Variants in FAM151B observed in about 807,000 individuals in gnomAD.
The protein encoded by FAM151B is family with sequence similarity 151 member B.
FAM151B carries 24 observed loss-of-function variants against 31.2 expected under a neutral mutation model. The observed-to-expected ratio is 0.77, with a 90% CI of 0.56 to 1.08. The LOEUF is 1.08. Ranked by LOEUF, FAM151B falls within the 50% of genes least tolerant of loss-of-function variation. The probability of loss-of-function intolerance (pLI) is 0.00; values close to 1 mark genes in which losing one functional copy is unlikely to be tolerated. For synonymous variants in FAM151B, 105 were observed against 111.4 expected (o/e 0.94, Z 0.36); for missense variants, 293 against 328.6 (o/e 0.89, Z 0.84).
intron 1 of FAM151B, among the ~76,000 whole-genome samples, chr5:80,492,855 C>T (rs921261270): frequency 6.6e-6 from 1 of 151,960 alleles, no homozygotes; most frequent in Non-Finnish European, 1.5e-5. Context: ...TTGGGATGCC[C>T]AGGCAGGAGG....
intron 1 of FAM151B, among the ~76,000 whole-genome samples, chr5:80,489,646 C>T (rs1309675437): frequency 6.6e-6 from 1 of 152,178 alleles, no homozygotes. Context: ...ATTTTTGGGC[C>T]GGGCGCGGTG....
chr5:80,494,443 TTTTCTTTCTTTCTTTTCTTTCTTTCTTTC>T (rs1167311333), intron 1 of FAM151B, among the ~76,000 whole-genome samples: 14 of 84,462 alleles, frequency 1.7e-4, no homozygotes, highest in Middle Eastern at 5.9e-3. Flanking sequence ...CTTTCTTTCT[TTTTCTTTCTTTCTTTTCTTTCTTTCTTTC>T]TTTCTTTCTT....
At chr5:80,501,724 A>G in intron 1 of FAM151B, 68 bp from the exon 2 acceptor site, 1 of 1,151,356 alleles carries the variant, frequency 8.7e-7, no homozygotes, top group Non-Finnish European at 1.3e-6. Flanking sequence ...ATACACAATG[A>G]AAGTGATTTT....
intron 1 of FAM151B, among the ~76,000 whole-genome samples, chr5:80,497,549 A>T (rs1743590913): frequency 6.6e-6 from 1 of 152,156 alleles, no homozygotes; most frequent in Non-Finnish European, 1.5e-5. Flanking sequence ...CTAAGACCTT[A>T]GATCATAGGT....
chr5:80,536,817 G>T (rs1561382275), intron 5 of FAM151B, among the ~76,000 whole-genome samples: 1 of 152,158 alleles, frequency 6.6e-6, no homozygotes, highest in Non-Finnish European at 1.5e-5. Flanking sequence ...AACATCTCAT[G>T]TTCTTATTTA....
chr5:80,534,488 A>T (rs1745401904), intron 5 of FAM151B, among the ~76,000 whole-genome samples: 1 of 152,228 alleles, frequency 6.6e-6, no homozygotes, highest in Non-Finnish European at 1.5e-5. Flanking sequence ...TCGTATTAAC[A>T]GCGTGAAGGA....
chr5:80,522,685 C>T (rs1028895336), intron 5 of FAM151B, among the ~76,000 whole-genome samples: 2 of 152,048 alleles, frequency 1.3e-5, no homozygotes, highest in Non-Finnish European at 1.5e-5. Context: ...TCGCTTGAAA[C>T]TGGGAGGCCG....
intron 4 of FAM151B, among the ~76,000 whole-genome samples, chr5:80,521,150 G>A (rs886153283): frequency 2.7e-5 from 3 of 111,594 alleles, no homozygotes; most frequent in Non-Finnish European, 5.6e-5. Context: ...TTAAAAAACA[G>A]GGTCTGGCTC....
At chr5:80,513,880 A>T (rs1160375234) in intron 3 of FAM151B, 111 bp downstream of exon 3, 8 of 1,072,652 alleles carry the variant, frequency 7.5e-6, no homozygotes, top group Non-Finnish European at 1.0e-5. Context: ...ACTCTAATAT[A>T]TTTCAGGACT....
chr5:80,493,389 A>G (rs906388012), intron 1 of FAM151B, among the ~76,000 whole-genome samples: 1 of 152,194 alleles, frequency 6.6e-6, no homozygotes, highest in Non-Finnish European at 1.5e-5. Context: ...GAACAGTATG[A>G]AATCAGTGTA....
At chr5:80,489,391 A>G (rs1391633997) in intron 1 of FAM151B, among the ~76,000 whole-genome samples, 1 of 152,086 alleles carries the variant, frequency 6.6e-6, no homozygotes, top group Non-Finnish European at 1.5e-5. Context: ...TTTTCAGACC[A>G]GAGTTTTCCT....
rs180892452 is a variant in FAM151B, at chr5:80,519,154, A to C, written c.318-539A>C. Among the ~76,000 whole-genome samples, 8 of 152,318 alleles carry C rather than the reference A, an allele frequency of 5.3e-5. No homozygotes were observed. In the East Asian group the frequency reaches 1.5e-3, roughly 29 times the overall value. On this transcript the variant is annotated intron_variant, in intron 3 of 5. Transcript: ENST00000282226. ...ACAGAAACTTGAAGGAAATACTATA[A>C]TTTTATATTTTACAGTCATTTTTAG...
At chr5:80,535,289 G>T (rs751023984) in intron 5 of FAM151B, among the ~76,000 whole-genome samples, 1 of 152,084 alleles carries the variant, frequency 6.6e-6, no homozygotes, top group South Asian at 2.1e-4. Context: ...CAGAATAGCC[G>T]AAGTTGTCCT....
intron 2 of FAM151B, among the ~76,000 whole-genome samples, chr5:80,503,710 AC>A (rs1265974929): frequency 6.6e-6 from 1 of 152,222 alleles, no homozygotes; most frequent in Non-Finnish European, 1.5e-5. Context: ...AATAGTATAT[AC>A]AAAGCCCTTT....
At chr5:80,525,670 T>G (rs1744924547) in intron 5 of FAM151B, among the ~76,000 whole-genome samples, 1 of 152,000 alleles carries the variant, frequency 6.6e-6, no homozygotes, top group East Asian at 1.9e-4. Flanking sequence ...TGCACATAAG[T>G]AGAAGCTGAC....
Position 80,494,685 on chromosome 5 carries a change from G to A in FAM151B, c.25+6537G>A, listed in dbSNP as rs1220824110. Among the ~76,000 whole-genome samples the A allele has an allele frequency of 3.3e-5, 5 of 151,686 alleles. No homozygotes were observed. In the South Asian group the frequency reaches 6.3e-4, roughly 19 times the overall value. On this transcript the variant is annotated intron_variant, in intron 1 of 5. Transcript: ENST00000282226. Reference sequence around the variant, plus strand: ...ACACCACCACGGCCTACTAATTTTTGTATTTTTTTGTAGAGACGGGATTTC... The same window carrying A: ...ACACCACCACGGCCTACTAATTTTTATATTTTTTTGTAGAGACGGGATTTC...
chr5:80,510,169 G>A (rs1744127581), intron 2 of FAM151B, among the ~76,000 whole-genome samples: 1 of 152,200 alleles, frequency 6.6e-6, no homozygotes, highest in East Asian at 1.9e-4. Flanking sequence ...ATGATTTTAT[G>A]GGTCAGCTGG....
rs1038997689 is a variant in FAM151B at position 80,501,674 on chromosome 5, A to C, written c.26-118A>C. ...CTTTTTACTATCTATCTATCTATCTATATATATATATCACATAACAGCATA... is the reference window on the plus strand; with the variant it reads ...CTTTTTACTATCTATCTATCTATCTCTATATATATATCACATAACAGCATA... On this transcript the variant is annotated intron_variant, in intron 1 of 5. Transcript: ENST00000282226. The C allele has an allele frequency of 1.1e-5, 5 of 445,938 alleles. 1 individual carries two copies. In the Admixed American group the frequency reaches 1.2e-4, roughly 11 times the overall value. The allele number at this position is 445,938 out of a possible 1,614,324, so 27.6% of individuals were successfully genotyped here. A position where few individuals can be genotyped will look rare whatever the true frequency, so the allele number is the denominator to read the frequency against.
At chr5:80,538,430 T>G (rs1180858915) in intron 5 of FAM151B, among the ~76,000 whole-genome samples, 2 of 58,834 alleles carry the variant, frequency 3.4e-5, no homozygotes, top group Non-Finnish European at 6.2e-5. Flanking sequence ...CTTTCTTTCT[T>G]TCTTTCTTTC....
Sources: allele counts gnomAD v4.1 joint callset (sites outside exome capture counted in the v4.1 genomes callset), GRCh38; gene constraint gnomAD v4.1.1; transcripts MANE v1.5; gene names NCBI Gene and HGNC (gene_info 2026-07-23, HGNC 2026-07-21).